The following MTERF4 variants were observed in gnomAD, a reference collection of about 807,000 sequenced individuals.
MTERF4 encodes mitochondrial transcription termination factor 4.
A neutral mutation model predicts 22.5 loss-of-function variants in MTERF4; 17 were observed. The observed-to-expected ratio is 0.75, with a 90% confidence interval of 0.52 to 1.13. The LOEUF (loss-of-function observed/expected upper bound fraction) is 1.13, where lower values mean the gene tolerates loss of function less well. Ranked by LOEUF, MTERF4 falls within the 50% of genes most tolerant of loss-of-function variation. The pLI is 0.00. For synonymous variants in MTERF4, 165 were observed against 175.3 expected, an observed-to-expected ratio of 0.94 and a Z score of 0.47; for missense variants, 420 against 466.8, an observed-to-expected ratio of 0.90 and a Z score of 0.92.
At position 241,073,435 on chromosome 2, in the gene MTERF4, A is replaced by T; in HGVS notation, n.2727T>A. ...CTCAGGGGCCTTAGAGGCTGCAGGC[A>T]GGAGGGACCACCCACGGTGAGGAAT... On this transcript the variant is annotated non_coding_transcript_exon_variant, in exon 5 of 5. Coordinates refer to the MTERF4 transcript ENST00000464344. The surrounding 1 kb of genome is among the most constrained non-coding windows in gnomAD (Gnocchi z 6.6). 2 of 1,263,296 alleles carry T rather than the reference A, an allele frequency of 1.6e-6. No individual in the cohort carries two copies. Among genetic ancestry groups the T allele is most frequent in the Non-Finnish European group, 1.1e-6 (1 of 884,854 alleles). The allele number at this position is 1,263,296 out of a possible 1,614,324, so 78.3% of individuals were successfully genotyped here.
At chr2:241,049,683 G>A in the MTERF4 span, 1 of 649,402 alleles carries the variant, frequency 1.5e-6, no homozygotes, top group Admixed American at 2.4e-5. Flanking sequence ...GATGCCCACA[G>A]AGTGTATTTT....
chr2:241,053,850 T>A, the MTERF4 span, among the ~76,000 whole-genome samples: 1 of 152,198 alleles, frequency 6.6e-6, no homozygotes, highest in Non-Finnish European at 1.5e-5. Context: ...CCGAAGCCCC[T>A]GGAGAAGTAG....
intron 4 of MTERF4, among the ~76,000 whole-genome samples, chr2:241,076,006 T>A (rs1168854097): frequency 6.6e-6 from 1 of 152,244 alleles, no homozygotes; most frequent in African/African-American, 2.4e-5. Context: ...CGGCGTCAAT[T>A]TGATACATCT....
chr2:241,067,566 T>TCTGCAGCCGTCATGCTCACAGCGGGC (rs2062511898), downstream of MTERF4, among the ~76,000 whole-genome samples: 1 of 151,628 alleles, frequency 6.6e-6, no homozygotes, highest in African/African-American at 2.4e-5. Context: ...TCACAGCGGG[T>TCTGCAGCCGTCATGCTCACAGCGGGC]TCTGCAGCTG....
chr2:241,093,687 T>C (rs927624866), downstream of MTERF4: 2 of 152,274 alleles, frequency 1.3e-5, no homozygotes, highest in Non-Finnish European at 2.9e-5. Context: ...GACTTGCCCA[T>C]TGGGATGTTT....
chr2:241,075,960 A>G lies in MTERF4; in HGVS notation n.480-278T>C, dbSNP rs894506674. On this transcript the variant is annotated intron_variant and non_coding_transcript_variant, in intron 4 of 4. Coordinates refer to the MTERF4 transcript ENST00000464344. This position sits in a 1 kb window ranked among gnomAD's most constrained non-coding sequence, Gnocchi z 4.8. The stretch of plus-strand genomic sequence containing the variant: ...AAAAGTCCCTTTTTCCCCCACTGTC[A>G]GTATCAAAATTCCACATATAAAAGT... Among the ~76,000 whole-genome samples, 2 of 152,188 alleles carry G rather than the reference A, an allele frequency of 1.3e-5. No homozygotes were observed. The highest frequency in any genetic ancestry group is 2.9e-5 in the Non-Finnish European group (2 of 68,038).
chr2:241,077,954 C>T (rs1161880721), intron 4 of MTERF4, among the ~76,000 whole-genome samples: 1 of 152,136 alleles, frequency 6.6e-6, no homozygotes, highest in African/African-American at 2.4e-5. Context: ...TACCGCATGA[C>T]CCAGTAATTG....
At chr2:241,052,630 AGGGCCGGG>A in the MTERF4 span, among the ~76,000 whole-genome samples, 15 of 107,702 alleles carry the variant, frequency 1.4e-4, no homozygotes, top group East Asian at 2.8e-4. Flanking sequence ...GGCAGGTGAG[AGGGCCGGG>A]GGGCCAAGCA....
At chr2:241,082,293 C>T, downstream of MTERF4, 1 of 1,613,112 alleles carries the variant, frequency 6.2e-7, no homozygotes, top group Non-Finnish European at 8.5e-7. Context: ...TAAAGGTGTC[C>T]CGCCCCTGCA....
At chr2:241,050,800 G>A in the MTERF4 span, among the ~76,000 whole-genome samples, 1 of 151,892 alleles carries the variant, frequency 6.6e-6, no homozygotes, top group African/African-American at 2.4e-5. Flanking sequence ...GCTCACACCT[G>A]CCAGTGGTAT....
exon 5 of MTERF4, chr2:241,072,850 T>C (rs1199958610): frequency 4.7e-6 from 1 of 213,804 alleles, no homozygotes; most frequent in Non-Finnish European, 9.3e-6. Context: ...GGCGAGGGCA[T>C]GAGGAAGGTC....
chr2:241,070,130 C>T (rs1553583716), downstream of MTERF4: 1 of 1,612,382 alleles, frequency 6.2e-7, no homozygotes, highest in Admixed American at 1.7e-5. Flanking sequence ...TACCAGCTCT[C>T]TGTGATAGCA....
chr2:241,077,948 G>A (rs535939860), intron 4 of MTERF4, among the ~76,000 whole-genome samples: 20 of 152,210 alleles, frequency 1.3e-4, no homozygotes, highest in South Asian at 1.0e-3. Context: ...AATAGTTACC[G>A]CATGACCCAG....
chr2:241,081,840 G>T, intron 4 of MTERF4: 2 of 1,409,250 alleles, frequency 1.4e-6, no homozygotes, highest in Non-Finnish European at 2.0e-6. Flanking sequence ...CACAGCCTGT[G>T]CCTCAGCCTA....
At chr2:241,089,833 T>C (rs749633186), downstream of MTERF4, 3 of 1,357,350 alleles carry the variant, frequency 2.2e-6, no homozygotes, top group Non-Finnish European at 2.9e-6. Flanking sequence ...GCACCTAGGC[T>C]GTGTGGCAGA....
chr2:241,087,505 T>C, downstream of MTERF4: 1 of 1,580,642 alleles, frequency 6.3e-7, no homozygotes, highest in Non-Finnish European at 8.6e-7. Context: ...CCATGCCGTG[T>C]CCTGCATGTA....
downstream of MTERF4, chr2:241,068,838 C>A: frequency 9.4e-7 from 1 of 1,068,320 alleles, no homozygotes; most frequent in South Asian, 1.6e-5. This position sits in a 1 kb window ranked among gnomAD's most constrained non-coding sequence, Gnocchi z 5.3. Flanking sequence ...CCTGGGGGAG[C>A]TGCGGTCTGG....
chr2:241,090,531 A>ATAC, downstream of MTERF4: 1 of 1,424,044 alleles, frequency 7.0e-7, no homozygotes, highest in Non-Finnish European at 9.3e-7. Context: ...ACTCTACATA[A>ATAC]TTGTATGTGC....
intron 2 of MTERF4, among the ~76,000 whole-genome samples, chr2:241,098,564 G>A (rs944300850): frequency 6.6e-6 from 1 of 152,168 alleles, no homozygotes. Context: ...GGGCAGGAGT[G>A]GGGGATAAAT....
Sources: gnomAD v4.1 joint callset for allele counts (sites outside exome capture counted in the v4.1 genomes callset) on GRCh38, gnomAD v4.1.1 for gene constraint, Gnocchi (gnomAD v3.1) non-coding constraint, MANE v1.5 for transcripts, NCBI Gene and HGNC (gene_info 2026-07-23, HGNC 2026-07-21) for gene names.